Variants in SPOCK1 observed in about 807,000 individuals in gnomAD.
SPOCK1 encodes the protein SPARC (osteonectin), cwcv and kazal like domains proteoglycan 1.
A neutral mutation model predicts 55.3 loss-of-function variants in SPOCK1; 23 were observed. The observed-to-expected ratio is 0.42, with a 90% CI of 0.30 to 0.59. The LOEUF is 0.59. SPOCK1 is among the 20% of genes least tolerant of loss of function. The pLI is 0.22. For missense variants in SPOCK1, 499 were observed against 552.5 expected (o/e 0.90, Z 0.97); for synonymous variants, 226 against 221.0 (o/e 1.02, Z -0.20).
intron 6 of SPOCK1, among the ~76,000 whole-genome samples, chr5:137,015,746 C>G (rs1751438239): frequency 6.6e-6 from 1 of 152,216 alleles, no homozygotes. Flanking sequence ...CAAATCCTCT[C>G]AAGGTGACAG....
intron 2 of SPOCK1, among the ~76,000 whole-genome samples, chr5:137,488,367 A>C (rs1754103370): frequency 6.6e-6 from 1 of 151,548 alleles, no homozygotes; most frequent in East Asian, 1.9e-4. Flanking sequence ...ACAGAGCAAG[A>C]CTCTGTCTTC....
chr5:137,384,973 T>A (rs1318801273), intron 2 of SPOCK1, among the ~76,000 whole-genome samples: 3 of 152,146 alleles, frequency 2.0e-5, no homozygotes, highest in African/African-American at 7.2e-5. Context: ...GGGCGGTGCA[T>A]AATTCAGTCC....
chr5:137,176,641 AG>A (rs1312849482), intron 3 of SPOCK1, among the ~76,000 whole-genome samples: 1 of 152,180 alleles, frequency 6.6e-6, no homozygotes, highest in Non-Finnish European at 1.5e-5. Flanking sequence ...TTAAGTCCTC[AG>A]AAAGATGAAC....
chr5:137,355,120 C>A (rs936927659), intron 2 of SPOCK1, among the ~76,000 whole-genome samples: 1 of 152,072 alleles, frequency 6.6e-6, no homozygotes, highest in Non-Finnish European at 1.5e-5. Flanking sequence ...CCAGGCTGGT[C>A]TTGAACTCCT....
chr5:137,227,053 T>G (rs10155530), intron 3 of SPOCK1, among the ~76,000 whole-genome samples: 25,861 of 152,220 alleles, frequency 0.17, 2,494 homozygotes, highest in South Asian at 0.27. Flanking sequence ...TGAGGATTTC[T>G]AACAAGGGAT....
intron 2 of SPOCK1, among the ~76,000 whole-genome samples, chr5:137,310,448 T>TC (rs1757769982): frequency 6.6e-6 from 1 of 152,158 alleles, no homozygotes; most frequent in African/African-American, 2.4e-5. Context: ...AAGAAGCCAT[T>TC]CCCCAGAGGA....
intron 3 of SPOCK1, among the ~76,000 whole-genome samples, chr5:137,151,977 C>A (rs971475910): frequency 6.6e-6 from 1 of 152,156 alleles, no homozygotes; most frequent in African/African-American, 2.4e-5. Context: ...CCAATTAGAG[C>A]GGGTTCATTT....
At chr5:137,221,149 C>T (rs1319669110) in intron 3 of SPOCK1, among the ~76,000 whole-genome samples, 1 of 152,222 alleles carries the variant, frequency 6.6e-6, no homozygotes, top group African/African-American at 2.4e-5. Flanking sequence ...CAAGTTTCCT[C>T]TAAATAGCCT....
Position 136,979,368 on chromosome 5 carries a change from A to T in SPOCK1, c.1093T>A (p.Leu365Met). 6.2e-7 allele frequency: 1 copy of T among 1,613,998 alleles called. No homozygotes were observed. The highest frequency in any genetic ancestry group is 1.1e-5 in the South Asian group (1 of 91,058). The change falls in exon 10 of 11, where the codon TTG (leucine) becomes ATG (methionine). Residue 365 changes from leucine to methionine, a missense_variant. By Grantham distance (15) the Leu-to-Met change is conservative. Transcript: ENST00000394945. ...GCACCCTGTTTCCTGGAGCCAGCCAACTCATTCCCATATTTGTCCACACAC... is the reference window on the plus strand; with the variant it reads ...GCACCCTGTTTCCTGGAGCCAGCCATCTCATTCCCATATTTGTCCACACAC... ...CWCVDKYGNE[L>M]AGSRKQGAVS... is the part of the protein sequence containing the mutation.
At chr5:137,148,304 CT>C (rs1175113034) in intron 3 of SPOCK1, among the ~76,000 whole-genome samples, 1 of 152,210 alleles carries the variant, frequency 6.6e-6, no homozygotes, top group Non-Finnish European at 1.5e-5. Flanking sequence ...TGAGCAACCA[CT>C]GATAAGCCCA....
At position 137,150,923 on chromosome 5, in the gene SPOCK1, C is replaced by A. The variant is rs553884584; in HGVS notation, c.233-10229G>T. Among the ~76,000 whole-genome samples the A allele has an allele frequency of 1.9e-4, 29 of 152,294 alleles. No individual in the cohort carries two copies. The South Asian group carries it at 5.6e-3, about 29-fold the overall frequency. ...CAGTGGAGCACTCTGGTGAGGTCAT[C>A]TCTCAACAAGTCTAAAAATCAACTA... is the stretch of plus-strand genomic sequence containing the variant. On this transcript the variant is annotated intron_variant, in intron 3 of 10. Coordinates refer to ENST00000394945, the MANE Select transcript of SPOCK1 (RefSeq NM_004598.4).
chr5:137,482,115 C>T (rs1210598882), intron 2 of SPOCK1, among the ~76,000 whole-genome samples: 1 of 152,040 alleles, frequency 6.6e-6, no homozygotes, highest in East Asian at 1.9e-4. Context: ...AGGAGGGATA[C>T]AGAATAAAAA....
chr5:137,390,095 T>G (rs1174698763), intron 2 of SPOCK1, among the ~76,000 whole-genome samples: 1 of 152,160 alleles, frequency 6.6e-6, no homozygotes, highest in Non-Finnish European at 1.5e-5. Flanking sequence ...TGTTCCCTAC[T>G]AAAGGAAATC....
At chr5:137,123,112 C>T (rs1753718578) in intron 4 of SPOCK1, among the ~76,000 whole-genome samples, 1 of 152,194 alleles carries the variant, frequency 6.6e-6, no homozygotes, top group East Asian at 1.9e-4. Context: ...GGGTCATTCA[C>T]AAAAGCGCTA....
intron 2 of SPOCK1, among the ~76,000 whole-genome samples, chr5:137,345,131 T>C (rs1206667437): frequency 6.6e-6 from 1 of 152,254 alleles, no homozygotes; most frequent in Non-Finnish European, 1.5e-5. Flanking sequence ...GGCACCCTTC[T>C]AACAAATATT....
chr5:137,469,675 C>T (rs532642036), intron 2 of SPOCK1, among the ~76,000 whole-genome samples: 25 of 152,254 alleles, frequency 1.6e-4, no homozygotes, highest in African/African-American at 5.8e-4. Context: ...GATTAAAGTT[C>T]AGTGCAACGT....
intron 6 of SPOCK1, among the ~76,000 whole-genome samples, chr5:137,055,625 C>G (rs1222976638): frequency 6.6e-6 from 1 of 152,216 alleles, no homozygotes; most frequent in Non-Finnish European, 1.5e-5. Flanking sequence ...TCCAGATACT[C>G]CCTCCTCTGG....
intron 3 of SPOCK1, among the ~76,000 whole-genome samples, chr5:137,193,034 A>G (rs1755216145): frequency 6.6e-6 from 1 of 152,224 alleles, no homozygotes; most frequent in Non-Finnish European, 1.5e-5. Context: ...TGAAGCTGAT[A>G]GGGCTGTATT....
intron 2 of SPOCK1, among the ~76,000 whole-genome samples, chr5:137,315,171 T>A (rs1757856736): frequency 6.6e-6 from 1 of 152,192 alleles, no homozygotes; most frequent in South Asian, 2.1e-4. Context: ...CTGTCTTAGC[T>A]AAAAATCCAT....
Sources: allele counts gnomAD v4.1 joint callset (sites outside exome capture counted in the v4.1 genomes callset), GRCh38; gene constraint gnomAD v4.1.1; transcripts MANE v1.5; gene names NCBI Gene and HGNC (gene_info 2026-07-23, HGNC 2026-07-21).